CALCR: variants seen among roughly 807,000 people sequenced by gnomAD.
CALCR encodes calcitonin receptor.
Under a neutral mutation model 59.5 loss-of-function variants are expected in CALCR, and 47 were observed. The observed-to-expected ratio is 0.79, with a 90% CI of 0.63 to 1.01. The LOEUF is 1.01. Ranked by LOEUF, CALCR falls within the 50% of genes least tolerant of loss-of-function variation. CALCR has a pLI of 0.00. For synonymous variants in CALCR, 213 were observed against 211.3 expected, an observed-to-expected ratio of 1.01 and a Z score of -0.07; for missense variants, 566 against 597.1, an observed-to-expected ratio of 0.95 and a Z score of 0.54.
chr7:93,520,376 T>C (rs1801736623), intron 2 of CALCR, among the ~76,000 whole-genome samples: 1 of 152,088 alleles, frequency 6.6e-6, no homozygotes, highest in Non-Finnish European at 1.5e-5. Flanking sequence ...TGTGTGGCAT[T>C]TTACCCAGCT....
Position 93,424,688 on chromosome 7 carries a change from T to C in CALCR, c.*1668A>G, listed in dbSNP as rs1299226674. The C allele has an allele frequency of 6.6e-6, 1 of 152,608 alleles. No homozygotes were observed. The highest frequency in any genetic ancestry group is 1.5e-5 in the Non-Finnish European group (1 of 68,006). The allele number at this position is 152,608 out of a possible 1,614,324, so 9.5% of individuals were successfully genotyped here. On this transcript the variant is annotated 3_prime_UTR_variant, in exon 14 of 14. Coordinates refer to ENST00000426151, the MANE Select transcript of CALCR (RefSeq NM_001742.4). The stretch of plus-strand genomic sequence containing the variant: ...TATTAGCATAATAACATCTAAAATA[T>C]TTTAGCAATATATTATCACATTTGT...
intron 5 of CALCR, among the ~76,000 whole-genome samples, chr7:93,472,691 A>G (rs536006216): frequency 6.6e-6 from 1 of 151,914 alleles, no homozygotes; most frequent in East Asian, 2.0e-4. Flanking sequence ...TAGCAAAGCC[A>G]TGTGAAGTAG....
chr7:93,452,430 G>A (rs757177038), intron 8 of CALCR, among the ~76,000 whole-genome samples: 1 of 151,952 alleles, frequency 6.6e-6, no homozygotes, highest in Non-Finnish European at 1.5e-5. Context: ...CGGCTCACCT[G>A]GAAAACTGTC....
intron 8 of CALCR, among the ~76,000 whole-genome samples, chr7:93,455,318 C>T (rs1174057595): frequency 2.0e-5 from 3 of 151,942 alleles, no homozygotes; most frequent in African/African-American, 7.2e-5. Flanking sequence ...GGTTGTCGTT[C>T]TCATATTAGT....
chr7:93,485,044 C>T (rs999764963), intron 3 of CALCR, among the ~76,000 whole-genome samples: 30 of 151,732 alleles, frequency 2.0e-4, no homozygotes, highest in Admixed American at 3.9e-4. Context: ...AGTAATATTT[C>T]GGATTAATTA....
At chr7:93,482,688 G>A in intron 3 of CALCR, 3 of 485,050 alleles carry the variant, frequency 6.2e-6, no homozygotes, top group Non-Finnish European at 1.3e-5. Context: ...CTTTAATGCA[G>A]TTTTAACATC....
intron 2 of CALCR, among the ~76,000 whole-genome samples, chr7:93,544,606 G>A (rs1215765539): frequency 1.3e-5 from 2 of 151,876 alleles, no homozygotes; most frequent in Non-Finnish European, 2.9e-5. Context: ...AAAGATTTTA[G>A]TTTTTCACTG....
intron 3 of CALCR, among the ~76,000 whole-genome samples, chr7:93,480,343 T>C (rs980548990): frequency 6.6e-6 from 1 of 151,914 alleles, no homozygotes; most frequent in African/African-American, 2.4e-5. Context: ...GGTGTTGGAA[T>C]CTGCGAATTT....
At chr7:93,440,507 G>A (rs1054288578) in intron 9 of CALCR, among the ~76,000 whole-genome samples, 1 of 150,988 alleles carries the variant, frequency 6.6e-6, no homozygotes, top group Non-Finnish European at 1.5e-5. Context: ...TGATTTTTCA[G>A]TGGTAATGAG....
intron 13 of CALCR, 110 bp downstream of exon 13, chr7:93,434,143 A>G (rs1799721011): frequency 1.3e-6 from 1 of 791,830 alleles, no homozygotes; most frequent in Non-Finnish European, 2.2e-6. Context: ...ACAAAACCCT[A>G]TGAGGTCAAC....
At chr7:93,452,110 C>G (rs1437161949) in intron 8 of CALCR, among the ~76,000 whole-genome samples, 1 of 151,916 alleles carries the variant, frequency 6.6e-6, no homozygotes, top group Non-Finnish European at 1.5e-5. Context: ...TACCCCAAAC[C>G]TCAACTCCAC....
intron 2 of CALCR, among the ~76,000 whole-genome samples, chr7:93,499,798 G>T (rs556002831): frequency 1.3e-5 from 2 of 151,844 alleles, no homozygotes; most frequent in Admixed American, 1.3e-4. Context: ...TAAATTGGTT[G>T]CCATAAGTTA....
intron 2 of CALCR, among the ~76,000 whole-genome samples, chr7:93,529,501 A>G (rs1231495745): frequency 6.6e-6 from 1 of 152,224 alleles, no homozygotes; most frequent in African/African-American, 2.4e-5. Flanking sequence ...ACTAATACAT[A>G]TATATTTCAT....
At position 93,468,804 on chromosome 7, in the gene CALCR, A is replaced by G. The variant is rs1800492329; in HGVS notation, c.432T>C (p.Asn144=). 6 of 1,471,472 alleles carry G rather than the reference A, an allele frequency of 4.1e-6. No homozygotes were observed. Among genetic ancestry groups the G allele is most frequent in the Non-Finnish European group, 5.6e-6 (6 of 1,067,626 alleles). 91.2% of individuals were successfully genotyped at this position (1,471,472 alleles called of 1,614,324 possible). ...TAGCCAAATAGTACAGAACATATGCATTCTGGAACAACAAAAAGTAAACAA... is the reference window on the plus strand; with the variant it reads ...TAGCCAAATAGTACAGAACATATGCGTTCTGGAACAACAAAAAGTAAACAA... ...CNAFTPEKLK[N]AYVLYYLAIV... The change falls in exon 7 of 14, where the codon AAT becomes AAC. Residue 144 remains asparagine (N), a splice_region_variant and synonymous_variant. Transcript: ENST00000426151.
chr7:93,488,582 G>GA (rs1554401502), intron 2 of CALCR, among the ~76,000 whole-genome samples: 6,108 of 78,468 alleles, frequency 0.078, 382 homozygotes, highest in Non-Finnish European at 0.11. Context: ...CAAATGGAAA[G>GA]AAAAAAAAAA....
In CALCR at chr7:93,572,223, C is replaced by CT. The variant is rs538658248; in HGVS notation, c.-27+2065dup. Among the ~76,000 whole-genome samples, 170 of 151,654 alleles carry CT rather than the reference C, an allele frequency of 1.1e-3. 1 individual carries two copies. Among genetic ancestry groups the CT allele is most frequent in the Non-Finnish European group, 2.0e-3 (138 of 67,850 alleles). Reference sequence around the variant, plus strand: ...TATGTATGTTTATACATATATGTTTCTTTTTTTTAAAGAAAAAACTATTTG... The same window carrying CT: ...TATGTATGTTTATACATATATGTTTCTTTTTTTTTAAAGAAAAAACTATTTG... On this transcript the variant is annotated intron_variant, in intron 2 of 13. Transcript: ENST00000426151.
intron 8 of CALCR, among the ~76,000 whole-genome samples, chr7:93,445,332 C>T (rs1358595363): frequency 6.6e-6 from 1 of 152,038 alleles, no homozygotes; most frequent in East Asian, 1.9e-4. Context: ...TCAGTTGTTA[C>T]TCTGGATTCA....
chr7:93,426,347 G>C lies in CALCR; in HGVS notation c.*9C>G. On this transcript the variant is annotated 3_prime_UTR_variant, in exon 14 of 14. Transcript: ENST00000426151. ...GCTCAGTGATCACGATGCTGTGTTT[G>C]CTTCACATTCAAGCAGATGACTCTT... is the stretch of plus-strand genomic sequence containing the variant. The C allele has an allele frequency of 1.4e-6, 2 of 1,468,532 alleles. No individual in the cohort carries two copies. The highest frequency in any genetic ancestry group is 1.9e-6 in the Non-Finnish European group (2 of 1,048,084). The allele number at this position is 1,468,532 out of a possible 1,614,324, so 91.0% of individuals were successfully genotyped here.
At chr7:93,515,552 T>C (rs1203756695) in intron 2 of CALCR, among the ~76,000 whole-genome samples, 3 of 152,062 alleles carry the variant, frequency 2.0e-5, no homozygotes, top group African/African-American at 7.2e-5. Context: ...ATATATCTGC[T>C]TATATATGTT....
Sources: allele counts gnomAD v4.1 joint callset (sites outside exome capture counted in the v4.1 genomes callset), GRCh38; gene constraint gnomAD v4.1.1; transcripts MANE v1.5; gene names NCBI Gene and HGNC (gene_info 2026-07-23, HGNC 2026-07-21).